The following FOCAD variants were observed in gnomAD, a reference collection of about 807,000 sequenced individuals.
FOCAD encodes the protein focadhesin.
A neutral mutation model predicts 225.6 loss-of-function variants in FOCAD; 198 were observed. The observed-to-expected ratio is 0.88, with a 90% CI of 0.78 to 0.99. FOCAD has a LOEUF of 0.99. Among genes scored for constraint, FOCAD ranks in the 50% least tolerant of loss-of-function variants. The probability of loss-of-function intolerance (pLI) is 0.00; values close to 1 mark genes in which losing one functional copy is unlikely to be tolerated. For missense variants in FOCAD, 2,713 were observed against 2,123.6 expected (o/e 1.28, Z -5.46); for synonymous variants, 897 against 755.0 (o/e 1.19, Z -3.08).
At chr9:20,670,666 A>T (rs1287810785) in intron 2 of FOCAD, among the ~76,000 whole-genome samples, 1 of 152,168 alleles carries the variant, frequency 6.6e-6, no homozygotes, top group Non-Finnish European at 1.5e-5. Flanking sequence ...TGACCATTTG[A>T]GATGAGCTTT....
At chr9:20,713,920 G>T (rs551002614) in intron 1 of FOCAD, among the ~76,000 whole-genome samples, 1 of 152,300 alleles carries the variant, frequency 6.6e-6, no homozygotes, top group Non-Finnish European at 1.5e-5. Flanking sequence ...AGCTAATAAA[G>T]TAGATTTAGA....
chr9:20,728,818 G>A (rs1205822901), intron 4 of FOCAD, among the ~76,000 whole-genome samples: 1 of 152,160 alleles, frequency 6.6e-6, no homozygotes, highest in East Asian at 1.9e-4. Context: ...GAACTAGTAT[G>A]AGCAAAAATG....
chr9:20,948,304 G>C lies in FOCAD; in HGVS notation c.3709G>C (p.Val1237Leu), dbSNP rs1418203044. 5 of 1,611,392 alleles carry C rather than the reference G, an allele frequency of 3.1e-6. No homozygotes were observed. The highest frequency in any genetic ancestry group is 1.7e-5 in the Admixed American group (1 of 59,888). ...TTTTGCCCTGGCTTTAGGAAACATAGTTCATGGATTGTCTGTGTGTGGACA... is the reference window on the plus strand; with the variant it reads ...TTTTGCCCTGGCTTTAGGAAACATACTTCATGGATTGTCTGTGTGTGGACA... ...SGFALALGNI[V>L]HGLSVCGHGK... The change falls in exon 31 of 44, where the codon GTT becomes CTT. Residue 1237 changes from valine to leucine, a missense_variant. Physicochemically the swap from Val to Leu is conservative, Grantham distance 32 (BLOSUM62 1). Coordinates refer to ENST00000338382, the MANE Select transcript of FOCAD (RefSeq NM_001375567.1).
chr9:20,973,034 C>G (rs1839897998), intron 35 of FOCAD, among the ~76,000 whole-genome samples: 1 of 150,650 alleles, frequency 6.6e-6, no homozygotes, highest in Non-Finnish European at 1.5e-5. Flanking sequence ...GATGTGGCCT[C>G]TGCTTCTCCT....
chr9:20,920,895 A>G (rs1587614326), intron 24 of FOCAD, among the ~76,000 whole-genome samples: 1 of 151,684 alleles, frequency 6.6e-6, no homozygotes, highest in East Asian at 1.9e-4. Context: ...GCACACCAGC[A>G]TGGCACATGT....
In FOCAD at chr9:20,770,822, A is replaced by G. The variant is rs1309057579; in HGVS notation, c.906+584A>G. Among the ~76,000 whole-genome samples, 4 of 152,314 alleles carry G rather than the reference A, an allele frequency of 2.6e-5. No individual in the cohort carries two copies. The East Asian group carries it at 5.8e-4, about 22-fold the overall frequency. On this transcript the variant is annotated intron_variant, in intron 8 of 43. Transcript: ENST00000338382. ...GTAATATCATTTATTAGAAAAAGAA[A>G]TCATTAAAATACTCTTCGGATCATC...
chr9:20,980,299 A>G (rs929534498), intron 37 of FOCAD, among the ~76,000 whole-genome samples: 1 of 152,186 alleles, frequency 6.6e-6, no homozygotes, highest in African/African-American at 2.4e-5. Context: ...TTGCCTAGCT[A>G]ATAAAAGAGA....
rs149319212 is a variant in FOCAD, at chr9:20,849,912, A to G, written c.1921-12666A>G. 3.8e-3 allele frequency among the ~76,000 whole-genome samples: 583 copies of G among 152,016 alleles called. 5 individuals are homozygous for G. Among genetic ancestry groups the G allele is most frequent in the African/African-American group, 0.013 (547 of 41,540 alleles). On this transcript the variant is annotated intron_variant, in intron 15 of 43. Coordinates refer to ENST00000338382, the MANE Select transcript of FOCAD (RefSeq NM_001375567.1). ...CTCTCAGGTATAAAAATTTCAGGGCATTGAACAAAGAGACAGTTCAAAATA... is the reference window on the plus strand; with the variant it reads ...CTCTCAGGTATAAAAATTTCAGGGCGTTGAACAAAGAGACAGTTCAAAATA...
chr9:20,732,008 G>A (rs1288636052), intron 4 of FOCAD, among the ~76,000 whole-genome samples: 2 of 152,076 alleles, frequency 1.3e-5, no homozygotes, highest in Admixed American at 1.3e-4. Context: ...GTGTTACATA[G>A]GTAAACATGT....
At chr9:20,716,872 A>C (rs185806661) in intron 2 of FOCAD, among the ~76,000 whole-genome samples, 1 of 152,320 alleles carries the variant, frequency 6.6e-6, no homozygotes, top group East Asian at 1.9e-4. Flanking sequence ...TATAAAACCA[A>C]AATTCCGACT....
chr9:20,761,925 G>GA (rs1829639648), intron 6 of FOCAD, among the ~76,000 whole-genome samples: 1 of 151,970 alleles, frequency 6.6e-6, no homozygotes, highest in South Asian at 2.1e-4. Flanking sequence ...TTACTCCACC[G>GA]AAGTGATGAT....
chr9:20,976,556 T>C lies in FOCAD; in HGVS notation c.4261+8T>C, dbSNP rs370098551. 6.2e-7 allele frequency: 1 copy of C among 1,612,068 alleles called. No homozygotes were observed. The highest frequency in any genetic ancestry group is 1.3e-5 in the African/African-American group (1 of 74,932). Reference sequence around the variant, plus strand: ...TTATGAGGCTAAATTTTGGTAAATATCATGTGTTTTTAAGTCTTCAGACTT... The same window carrying C: ...TTATGAGGCTAAATTTTGGTAAATACCATGTGTTTTTAAGTCTTCAGACTT... On this transcript the variant is annotated splice_region_variant and intron_variant, in intron 36 of 43. Transcript: ENST00000338382.
chr9:20,857,042 T>A (rs117024852), intron 15 of FOCAD, among the ~76,000 whole-genome samples: 1,685 of 152,202 alleles, frequency 0.011, 45 homozygotes, highest in East Asian at 0.066. Flanking sequence ...AATTTTGTTG[T>A]TTTTACTCAG....
At chr9:20,820,280 T>C (rs754596310) in intron 12 of FOCAD, 44 bp from the exon 13 acceptor site, 2 of 1,437,834 alleles carry the variant, frequency 1.4e-6, no homozygotes, top group Non-Finnish European at 1.9e-6. Context: ...CGAGGTTGTC[T>C]GCATTCAAGT....
intron 11 of FOCAD, among the ~76,000 whole-genome samples, chr9:20,798,477 T>C (rs1266923531): frequency 1.3e-5 from 2 of 152,200 alleles, no homozygotes; most frequent in Non-Finnish European, 2.9e-5. Context: ...CATCTGGTCC[T>C]GGACTTTTTT....
chr9:20,667,705 T>C (rs1821935802), intron 2 of FOCAD, among the ~76,000 whole-genome samples: 1 of 152,318 alleles, frequency 6.6e-6, no homozygotes, highest in East Asian at 1.9e-4. Context: ...GTCACTATTG[T>C]GACAGGAATA....
chr9:20,839,259 CTT>C (rs71496859), intron 15 of FOCAD, among the ~76,000 whole-genome samples: 17 of 132,724 alleles, frequency 1.3e-4, no homozygotes, highest in Non-Finnish European at 1.3e-4. Flanking sequence ...TTCTTTCTTT[CTT>C]TTTTTTTTTT....
At chr9:20,754,685 C>T (rs1004262675) in intron 5 of FOCAD, among the ~76,000 whole-genome samples, 1 of 152,016 alleles carries the variant, frequency 6.6e-6, no homozygotes, top group Non-Finnish European at 1.5e-5. Context: ...TTGGCAATGT[C>T]TGGAGACAAT....
At chr9:20,758,903 A>G (rs1829311670) in intron 6 of FOCAD, among the ~76,000 whole-genome samples, 1 of 152,234 alleles carries the variant, frequency 6.6e-6, no homozygotes, top group Admixed American at 6.5e-5. Flanking sequence ...TAAGCTGATA[A>G]GCAACTTCAG....
Sources: allele counts gnomAD v4.1 joint callset (sites outside exome capture counted in the v4.1 genomes callset), GRCh38; gene constraint gnomAD v4.1.1; transcripts MANE v1.5; gene names NCBI Gene and HGNC (gene_info 2026-07-23, HGNC 2026-07-21).